The following HSD17B12 variants were observed in gnomAD, a reference collection of about 807,000 sequenced individuals.
HSD17B12 encodes the protein very-long-chain 3-oxoacyl-CoA reductase.
Under a neutral mutation model 39.3 loss-of-function variants are expected in HSD17B12, and 32 were observed. The observed-to-expected ratio is 0.81, with a 90% CI of 0.61 to 1.09. The LOEUF is 1.09. Among genes scored for constraint, HSD17B12 ranks in the 50% least tolerant of loss-of-function variants. The probability of loss-of-function intolerance (pLI) is 0.00; values close to 1 mark genes in which losing one functional copy is unlikely to be tolerated. For synonymous variants in HSD17B12, 150 were observed against 146.7 expected, an observed-to-expected ratio of 1.02 and a Z score of -0.16; for missense variants, 342 against 382.9, an observed-to-expected ratio of 0.89 and a Z score of 0.89.
the HSD17B12 span, among the ~76,000 whole-genome samples, chr11:43,586,631 T>C: frequency 2.1e-4 from 32 of 152,282 alleles, no homozygotes; most frequent in African/African-American, 7.5e-4. Context: ...CCCCAAGATA[T>C]TTTTTTAGAA....
chr11:43,721,927 G>C (rs1950180037), intron 1 of HSD17B12, among the ~76,000 whole-genome samples: 1 of 152,194 alleles, frequency 6.6e-6, no homozygotes, highest in African/African-American at 2.4e-5. Context: ...GTGGAAGTAG[G>C]ATGTTGTAAA....
intron 1 of HSD17B12, among the ~76,000 whole-genome samples, chr11:43,699,059 A>G (rs558025724): frequency 6.6e-6 from 1 of 152,206 alleles, no homozygotes; most frequent in African/African-American, 2.4e-5. Context: ...TTTAACATAT[A>G]CAAAAGGTAT....
chr11:43,720,309 T>G (rs982111961), intron 1 of HSD17B12, among the ~76,000 whole-genome samples: 3 of 152,262 alleles, frequency 2.0e-5, no homozygotes, highest in African/African-American at 7.2e-5. Flanking sequence ...GGTACTACTT[T>G]CAGTGTTCTA....
chr11:43,770,984 C>T (rs1950643471), intron 3 of HSD17B12, among the ~76,000 whole-genome samples: 1 of 152,126 alleles, frequency 6.6e-6, no homozygotes, highest in Non-Finnish European at 1.5e-5. Context: ...GATATGAATA[C>T]TAAAACAATG....
intron 3 of HSD17B12, among the ~76,000 whole-genome samples, chr11:43,779,715 C>T (rs916712012): frequency 2.6e-5 from 4 of 152,172 alleles, no homozygotes; most frequent in African/African-American, 9.7e-5. Context: ...CAGTCTTTGC[C>T]TTTGCTGGTA....
chr11:43,710,185 A>C (rs1040335964), intron 1 of HSD17B12, among the ~76,000 whole-genome samples: 2 of 152,234 alleles, frequency 1.3e-5, no homozygotes, highest in Non-Finnish European at 2.9e-5. Flanking sequence ...TGAGCCAACT[A>C]TCCTTACAAT....
rs190074104 is a variant in HSD17B12 at position 43,819,867 on chromosome 11, G to A, written c.501+3476G>A. ...AGCACTTCTTCATGGAGCCAAATAA[G>A]CATCCCTTCATTTATCTTTAATATG... On this transcript the variant is annotated intron_variant, in intron 6 of 10. Transcript: ENST00000278353. Among the ~76,000 whole-genome samples, 6 of 152,218 alleles carry A rather than the reference G, an allele frequency of 3.9e-5. No individual in the cohort carries two copies. The East Asian group carries it at 1.2e-3, about 29-fold the overall frequency.
the HSD17B12 span, chr11:43,579,632 G>A: frequency 6.6e-6 from 1 of 152,130 alleles, no homozygotes; most frequent in Non-Finnish European, 1.5e-5. Flanking sequence ...CCCGCGCCGC[G>A]GCGGCGGCGG....
the HSD17B12 span, among the ~76,000 whole-genome samples, chr11:43,573,914 C>A: frequency 6.6e-6 from 1 of 152,202 alleles, no homozygotes; most frequent in Non-Finnish European, 1.5e-5. Flanking sequence ...GTCCATCTGG[C>A]CACATTTGAT....
chr11:43,603,260 G>A, the HSD17B12 span, among the ~76,000 whole-genome samples: 1 of 151,996 alleles, frequency 6.6e-6, no homozygotes, highest in African/African-American at 2.4e-5. Context: ...TTCTCTGCAG[G>A]CATGAACATA....
chr11:43,739,836 A>C (rs998746078), intron 1 of HSD17B12, among the ~76,000 whole-genome samples: 1 of 152,170 alleles, frequency 6.6e-6, no homozygotes, highest in Non-Finnish European at 1.5e-5. Context: ...GGCATGCTTG[A>C]GTGGAAGGAG....
chr11:43,573,539 G>C, the HSD17B12 span, among the ~76,000 whole-genome samples: 1 of 152,174 alleles, frequency 6.6e-6, no homozygotes, highest in Non-Finnish European at 1.5e-5. Flanking sequence ...TTAAAGTTCT[G>C]ATGTGCATTT....
chr11:43,796,383 G>A (rs1241397779), intron 3 of HSD17B12, among the ~76,000 whole-genome samples: 2 of 152,114 alleles, frequency 1.3e-5, no homozygotes, highest in Non-Finnish European at 2.9e-5. Flanking sequence ...TCACAATAGA[G>A]GCAGTGAAGA....
chr11:43,600,318 CTT>C, the HSD17B12 span, among the ~76,000 whole-genome samples: 4 of 146,826 alleles, frequency 2.7e-5, no homozygotes, highest in Admixed American at 6.8e-5. Flanking sequence ...ATTGTAAACA[CTT>C]TTTTTTTTTC....
chr11:43,613,363 G>C, the HSD17B12 span, among the ~76,000 whole-genome samples: 18 of 151,496 alleles, frequency 1.2e-4, no homozygotes, highest in African/African-American at 4.4e-4. Context: ...TCGCACTCCA[G>C]CCTGGCTAAC....
chr11:43,687,267 C>T (rs1462034765), intron 1 of HSD17B12, among the ~76,000 whole-genome samples: 1 of 152,188 alleles, frequency 6.6e-6, no homozygotes, highest in Non-Finnish European at 1.5e-5. Context: ...GCAGGGTGAG[C>T]AAAGCCCTCA....
At chr11:43,690,377 TATATATATATATATATATATATATATA>T (rs1173542124) in intron 1 of HSD17B12, among the ~76,000 whole-genome samples, 19 of 9,984 alleles carry the variant, frequency 1.9e-3, no homozygotes, top group Middle Eastern at 0.015. Context: ...TATATATATA[TATATATATATATATATATATATATATA>T]TTTTTTTTTT....
chr11:43,780,214 A>T (rs1950750979), intron 3 of HSD17B12, among the ~76,000 whole-genome samples: 1 of 151,852 alleles, frequency 6.6e-6, no homozygotes, highest in Non-Finnish European at 1.5e-5. Flanking sequence ...CGCCCAGGCT[A>T]GAGTGCAATG....
At chr11:43,637,191 T>TG in the HSD17B12 span, among the ~76,000 whole-genome samples, 1 of 150,958 alleles carries the variant, frequency 6.6e-6, no homozygotes, top group African/African-American at 2.4e-5. Flanking sequence ...TGGTAGTGAC[T>TG]GGATAAGTGG....
Sources: gnomAD v4.1 joint callset for allele counts (sites outside exome capture counted in the v4.1 genomes callset) on GRCh38, gnomAD v4.1.1 for gene constraint, MANE v1.5 for transcripts, NCBI Gene and HGNC (gene_info 2026-07-23, HGNC 2026-07-21) for gene names.